The following PRELID2 variants were observed in gnomAD, a reference collection of about 807,000 sequenced individuals.
The protein encoded by PRELID2 is PRELI domain containing 2.
A neutral mutation model predicts 28.4 loss-of-function variants in PRELID2; 25 were observed. That is an observed-to-expected ratio of 0.88 (90% CI 0.64 to 1.23). The LOEUF is 1.23. PRELID2 is among the 50% of genes most tolerant of loss of function. PRELID2 has a pLI of 0.00. For synonymous variants in PRELID2, 76 were observed against 71.6 expected, an observed-to-expected ratio of 1.06 and a Z score of -0.31; for missense variants, 201 against 214.4, an observed-to-expected ratio of 0.94 and a Z score of 0.39.
chr5:145,407,769 CCAA>C, the PRELID2 span, among the ~76,000 whole-genome samples: 4 of 152,160 alleles, frequency 2.6e-5, no homozygotes, highest in Non-Finnish European at 5.9e-5. Context: ...GCTAATTCCA[CCAA>C]CAACAACTGG....
At chr5:145,407,853 A>G in the PRELID2 span, among the ~76,000 whole-genome samples, 1 of 152,114 alleles carries the variant, frequency 6.6e-6, no homozygotes, top group African/African-American at 2.4e-5. Flanking sequence ...AAGAAAACCA[A>G]TCCACTAAAC....
chr5:145,590,324 T>C (rs1753210408), intron 1 of PRELID2, among the ~76,000 whole-genome samples: 1 of 152,230 alleles, frequency 6.6e-6, no homozygotes, highest in African/African-American at 2.4e-5. Context: ...CCTTAGATAC[T>C]CAAGTGTTCT....
At position 145,694,118 on chromosome 5, in the gene PRELID2, G is replaced by T. The variant is rs1040647530; in HGVS notation, n.70+70813C>A. ...GACCTAGAGCATAAATTTGTTGTGA[G>T]AATTAAATCAATATAAATAAATACA... On this transcript the variant is annotated intron_variant and non_coding_transcript_variant, in intron 1 of 2. Coordinates refer to the PRELID2 transcript ENST00000510259. 2.0e-5 allele frequency among the ~76,000 whole-genome samples: 3 copies of T among 152,098 alleles called. 1 individual carries two copies. Among genetic ancestry groups the T allele is most frequent in the Admixed American group, 2.0e-4 (3 of 15,264 alleles).
At chr5:145,389,944 T>C in the PRELID2 span, among the ~76,000 whole-genome samples, 116 of 152,352 alleles carry the variant, frequency 7.6e-4, no homozygotes, top group East Asian at 0.02. Flanking sequence ...GAAGAAGTTA[T>C]ATAGTTTATT....
chr5:145,612,998 T>C (rs1459055304), intron 1 of PRELID2, among the ~76,000 whole-genome samples: 1 of 152,186 alleles, frequency 6.6e-6, no homozygotes, highest in Non-Finnish European at 1.5e-5. Flanking sequence ...AATCCAGCAA[T>C]TGGTATAAAA....
At chr5:145,276,132 T>C in the PRELID2 span, among the ~76,000 whole-genome samples, 1 of 152,126 alleles carries the variant, frequency 6.6e-6, no homozygotes, top group Non-Finnish European at 1.5e-5. Flanking sequence ...TCAGCAAGCA[T>C]TTGTTGATTA....
the PRELID2 span, among the ~76,000 whole-genome samples, chr5:145,365,636 C>T: frequency 2.9e-4 from 44 of 151,856 alleles, no homozygotes; most frequent in East Asian, 7.0e-3. Flanking sequence ...CCAATTGGAC[C>T]GGATAGAAAC....
chr5:145,575,642 A>G (rs1039684397), intron 1 of PRELID2, among the ~76,000 whole-genome samples: 2 of 152,186 alleles, frequency 1.3e-5, no homozygotes, highest in African/African-American at 4.8e-5. Context: ...CATCTTGCCC[A>G]TGTTCTCTTC....
chr5:145,543,232 A>G (rs938570479), intron 1 of PRELID2, among the ~76,000 whole-genome samples: 1 of 152,116 alleles, frequency 6.6e-6, no homozygotes, highest in Admixed American at 6.6e-5. Context: ...GGACAAGTCA[A>G]TTTCTGTTCA....
the PRELID2 span, among the ~76,000 whole-genome samples, chr5:145,259,726 T>A: frequency 6.6e-6 from 1 of 152,200 alleles, no homozygotes; most frequent in East Asian, 1.9e-4. Flanking sequence ...ACTAGCCTTG[T>A]CTCAGATGAG....
At chr5:145,684,301 G>A (rs757235237) in intron 1 of PRELID2, among the ~76,000 whole-genome samples, 3 of 152,124 alleles carry the variant, frequency 2.0e-5, no homozygotes, top group Admixed American at 6.6e-5. Context: ...GAACTTTTAC[G>A]CAATCAGAAT....
intron 1 of PRELID2, among the ~76,000 whole-genome samples, chr5:145,564,843 C>T (rs1485475817): frequency 3.3e-5 from 5 of 152,144 alleles, no homozygotes; most frequent in East Asian, 1.9e-4. Flanking sequence ...TCTTTATTCC[C>T]AAAATGAGAA....
chr5:145,304,183 C>G, the PRELID2 span, among the ~76,000 whole-genome samples: 1 of 152,116 alleles, frequency 6.6e-6, no homozygotes, highest in East Asian at 1.9e-4. Flanking sequence ...ATGTATTAAA[C>G]ACTTACTATA....
rs138241973 is a variant in PRELID2 at position 145,668,645 on chromosome 5, T to A, written n.70+96286A>T. Among the ~76,000 whole-genome samples the A allele has an allele frequency of 5.8e-3, 882 of 152,214 alleles. 12 individuals carry two copies. Among genetic ancestry groups the A allele is most frequent in the African/African-American group, 0.02 (816 of 41,558 alleles). ...GGCTAAGCACATAAGGTATATTATA[T>A]AATATAATCCTCACAACCCTATTTC... is the stretch of plus-strand genomic sequence containing the variant. On this transcript the variant is annotated intron_variant and non_coding_transcript_variant, in intron 1 of 2. Transcript: ENST00000510259.
chr5:145,671,832 A>G (rs1754713097), intron 1 of PRELID2, among the ~76,000 whole-genome samples: 2 of 152,206 alleles, frequency 1.3e-5, no homozygotes, highest in Admixed American at 1.3e-4. Flanking sequence ...TCTAGTTATC[A>G]TACCAAGAAA....
the PRELID2 span, among the ~76,000 whole-genome samples, chr5:145,251,453 G>C: frequency 1.2e-4 from 18 of 150,200 alleles, no homozygotes; most frequent in South Asian, 3.1e-3. Flanking sequence ...AAGCTCTCAG[G>C]GGTCTTGATC....
the PRELID2 span, among the ~76,000 whole-genome samples, chr5:145,367,851 G>T: frequency 7.8e-6 from 1 of 128,844 alleles, no homozygotes; most frequent in Middle Eastern, 4.1e-3. Flanking sequence ...CCACTCACCT[G>T]CAACCTACAT....
intron 5 of PRELID2, chr5:145,795,920 T>C (rs1405087029): frequency 1.3e-5 from 2 of 152,262 alleles, no homozygotes; most frequent in Non-Finnish European, 2.9e-5. Context: ...ATCACTTTCA[T>C]GGAAGCCTAA....
At chr5:145,459,714 C>A in the PRELID2 span, among the ~76,000 whole-genome samples, 51 of 151,910 alleles carry the variant, frequency 3.4e-4, no homozygotes, top group African/African-American at 1.2e-3. Context: ...ATAATCATGT[C>A]CCCCCAAAAA....
Sources: allele counts gnomAD v4.1 joint callset (sites outside exome capture counted in the v4.1 genomes callset), GRCh38; gene constraint gnomAD v4.1.1; transcripts MANE v1.5; gene names NCBI Gene and HGNC (gene_info 2026-07-23, HGNC 2026-07-21).